Variants in SCYL1 observed in about 807,000 individuals in gnomAD.
SCYL1 encodes the protein N-terminal kinase-like protein.
In SCYL1, 85 loss-of-function variants were observed where a neutral mutation model predicts 94.8. The ratio of observed to expected loss-of-function variants is 0.90; its 90% CI spans 0.75 to 1.07. The LOEUF (loss-of-function observed/expected upper bound fraction) is 1.07, where lower values mean the gene tolerates loss of function less well. Among genes scored for constraint, SCYL1 ranks in the 50% least tolerant of loss-of-function variants. SCYL1 has a pLI of 0.00. For missense variants in SCYL1, 968 were observed against 1,083.3 expected, an observed-to-expected ratio of 0.89 and a Z score of 1.49; for synonymous variants, 459 against 435.5, an observed-to-expected ratio of 1.05 and a Z score of -0.67.
Position 65,525,133 on chromosome 11 carries a change from C to T in SCYL1, c.-21C>T. Reference sequence around the variant, plus strand: ...AGGACCCGGAGCTAAGGCGCCCGAACCCGCGGCGGCGGTGGGGACGATGTG... The same window carrying T: ...AGGACCCGGAGCTAAGGCGCCCGAATCCGCGGCGGCGGTGGGGACGATGTG... On this transcript the variant is annotated 5_prime_UTR_variant, in exon 1 of 18. Transcript: ENST00000270176. 7.6e-7 allele frequency: 1 copy of T among 1,310,278 alleles called. No individual in the cohort carries two copies. The highest frequency in any genetic ancestry group is 2.2e-5 in the South Asian group (1 of 46,358). The allele number at this position is 1,310,278 out of a possible 1,614,324, so 81.2% of individuals were successfully genotyped here.
At chr11:65,537,707 G>A in intron 14 of SCYL1, 102 bp from the exon 15 acceptor site, 2 of 1,016,736 alleles carry the variant, frequency 2.0e-6, no homozygotes, top group South Asian at 1.7e-5. Flanking sequence ...TGAGGAGGAA[G>A]GCAAAAGACA....
chr11:65,531,113 T>C (rs1855342632), intron 7 of SCYL1, among the ~76,000 whole-genome samples: 1 of 152,084 alleles, frequency 6.6e-6, no homozygotes, highest in South Asian at 2.1e-4. Context: ...TCCTGACTGC[T>C]TAGCACTCAG....
At chr11:65,530,153 C>T (rs1012598754) in intron 6 of SCYL1, among the ~76,000 whole-genome samples, 3 of 152,146 alleles carry the variant, frequency 2.0e-5, no homozygotes, top group Non-Finnish European at 1.5e-5. Flanking sequence ...CCAGGAACTT[C>T]CTGCCCAATC....
Position 65,525,094 on chromosome 11 carries a change from G to C in SCYL1, c.-60G>C, listed in dbSNP as rs1855004780. ...CCCGCCCCCTCTCCGCCCCGCCCCG[G>C]CTCGGGCGGCCGGAGGACCCGGAGC... On this transcript the variant is annotated 5_prime_UTR_variant, in exon 1 of 18. Coordinates refer to ENST00000270176, the MANE Select transcript of SCYL1 (RefSeq NM_020680.4). The C allele has an allele frequency of 8.5e-7, 1 of 1,175,052 alleles. No homozygotes were observed. The highest frequency in any genetic ancestry group is 1.1e-6 in the Non-Finnish European group (1 of 913,836). The allele number at this position is 1,175,052 out of a possible 1,614,324, so 72.8% of individuals were successfully genotyped here.
chr11:65,530,905 CCT>C, intron 7 of SCYL1, 118 bp downstream of exon 7: 1 of 1,132,174 alleles, frequency 8.8e-7, no homozygotes, highest in Non-Finnish European at 1.2e-6. Flanking sequence ...GCAGGAGCTT[CCT>C]GCCAGTGTCT....
intron 6 of SCYL1, among the ~76,000 whole-genome samples, chr11:65,527,649 T>C (rs1393906909): frequency 6.6e-6 from 1 of 150,956 alleles, no homozygotes; most frequent in Non-Finnish European, 1.5e-5. Flanking sequence ...GGAGAATCAC[T>C]TGAACCCAGG....
chr11:65,532,906 C>G (rs1039063526), intron 9 of SCYL1, 101 bp downstream of exon 9: 5 of 836,602 alleles, frequency 6.0e-6, no homozygotes, highest in African/African-American at 1.7e-5. Context: ...TGGGTCCAAG[C>G]AGACACTGTC....
At position 65,526,759 on chromosome 11, in the gene SCYL1, A is replaced by G; in HGVS notation, c.603-24A>G. On this transcript the variant is annotated intron_variant, in intron 4 of 17. Coordinates refer to ENST00000270176, the MANE Select transcript of SCYL1 (RefSeq NM_020680.4). The surrounding 1 kb of genome is among the most constrained non-coding windows in gnomAD (Gnocchi z 4.1). Reference sequence around the variant, plus strand: ...CTGTGCAGGTGGTTGGTGGGGCCCTAAGAGCTCTGGGTCACTGCCACAGGT... The same window carrying G: ...CTGTGCAGGTGGTTGGTGGGGCCCTGAGAGCTCTGGGTCACTGCCACAGGT... 1 of 1,603,660 alleles carries G rather than the reference A, an allele frequency of 6.2e-7. No homozygotes were observed. The highest frequency in any genetic ancestry group is 1.1e-5 in the South Asian group (1 of 90,680).
rs1444678495 is a variant in SCYL1, at chr11:65,530,757, T to C, written c.978T>C (p.Ala326=). ...QLLTAFEFGN[A]GAVVLTPLFK... Reference sequence around the variant, plus strand: ...TGACCGCCTTCGAGTTCGGCAATGCTGGGGCCGTTGTCCTCACGCCCCTCT... The same window carrying C: ...TGACCGCCTTCGAGTTCGGCAATGCCGGGGCCGTTGTCCTCACGCCCCTCT... Residue 326 remains alanine (A), a synonymous_variant, in exon 7 of 18, where the codon GCT becomes GCC. Transcript: ENST00000270176. 6.2e-7 allele frequency: 1 copy of C among 1,613,564 alleles called. No homozygotes were observed. The highest frequency in any genetic ancestry group is 8.5e-7 in the Non-Finnish European group (1 of 1,179,838).
intron 2 of SCYL1, 74 bp from the exon 3 acceptor site, chr11:65,525,846 TC>T: frequency 6.3e-7 from 1 of 1,584,580 alleles, no homozygotes. Flanking sequence ...TCCCCATCTC[TC>T]CCAACTTCAA....
Position 65,537,022 on chromosome 11 carries a change from C to A in SCYL1, c.1853C>A (p.Thr618Asn). Residue 618 changes from threonine (T) to asparagine (N), a missense_variant, in exon 14 of 18, where the codon ACC (threonine) becomes AAC (asparagine). Coordinates refer to ENST00000270176, the MANE Select transcript of SCYL1 (RefSeq NM_020680.4). ...CCAGCCCCCACCCCTGTTCCTGCCA[C>A]CCCTACAACCTCAGGCCACTGGGAG... is the stretch of plus-strand genomic sequence containing the variant. The part of the protein sequence containing the change: ...PAPAPTPVPA[T>N]PTTSGHWETQ... The A allele has an allele frequency of 6.2e-7, 1 of 1,613,310 alleles. No homozygotes were observed. Among genetic ancestry groups the A allele is most frequent in the East Asian group, 2.2e-5 (1 of 44,884 alleles).
chr11:65,536,732 C>T lies in SCYL1; in HGVS notation c.1798C>T (p.Gln600Ter). The T allele has an allele frequency of 6.2e-7, 1 of 1,606,054 alleles. No individual in the cohort carries two copies. Among genetic ancestry groups the T allele is most frequent in the Non-Finnish European group, 8.5e-7 (1 of 1,173,776 alleles). Reference sequence around the variant, plus strand: ...TGCCCCAACAGAAACCAACATTCCCCAAAGACCCACGCCTGAAGGTGAGTG... The same window carrying T: ...TGCCCCAACAGAAACCAACATTCCCTAAAGACCCACGCCTGAAGGTGAGTG... ...TTAPTETNIPQRPTPEGVPAP... is the reference protein window; with the variant it reads ...TTAPTETNIP The change falls in exon 13 of 18, where the codon CAA becomes TAA. Residue 600 changes from glutamine (Q) to a stop codon, truncating the protein, a stop_gained. Transcript: ENST00000270176. LOFTEE classifies it high-confidence loss of function.
At chr11:65,534,398 T>A (rs1350988672) in intron 9 of SCYL1, among the ~76,000 whole-genome samples, 1 of 151,868 alleles carries the variant, frequency 6.6e-6, no homozygotes, top group African/African-American at 2.4e-5. Flanking sequence ...GGTGACAGAG[T>A]GAGACTCTAT....
chr11:65,527,902 G>C (rs1418115238), intron 6 of SCYL1, among the ~76,000 whole-genome samples: 8 of 152,192 alleles, frequency 5.3e-5, no homozygotes, highest in African/African-American at 1.9e-4. Flanking sequence ...AAAATGTGTG[G>C]TATAGTGTTC....
At chr11:65,537,236 C>A in intron 14 of SCYL1, 108 bp downstream of exon 14, 1 of 1,220,232 alleles carries the variant, frequency 8.2e-7, no homozygotes, top group Non-Finnish European at 1.2e-6. Context: ...TCCTCATCAG[C>A]ACAGCATCCC....
chr11:65,525,327 A>G (rs2135024775), intron 1 of SCYL1, 63 bp downstream of exon 1: 1 of 1,256,000 alleles, frequency 8.0e-7, no homozygotes, highest in Non-Finnish European at 1.1e-6. Flanking sequence ...CGCGCCGCCG[A>G]CCCCGTCGCG....
chr11:65,526,274 A>T lies in SCYL1; in HGVS notation c.526A>T (p.Lys176Ter), dbSNP rs535912271. ...GGGCAACGGTGGGGGACCTCCCCGC[A>T]AGGGGATCCCCGAGCTTGAGCAGTA... ...AQGNGGGPPR[K>*]GIPELEQYDP... The change falls in exon 4 of 18, where the codon AAG (lysine) becomes TAG (stop). Residue 176 changes from lysine (K) to a stop codon, truncating the protein, a stop_gained. Transcript: ENST00000270176. LOFTEE classifies it high-confidence loss of function. The surrounding 1 kb of genome is among the most constrained non-coding windows in gnomAD (Gnocchi z 4.1). The T allele has an allele frequency of 6.2e-6, 10 of 1,612,818 alleles. No homozygotes were observed. The Admixed American group carries it at 1.3e-4, about 21-fold the overall frequency.
intron 1 of SCYL1, 57 bp downstream of exon 1, chr11:65,525,321 C>T (rs774455803): frequency 2.0e-5 from 25 of 1,265,468 alleles, no homozygotes; most frequent in Non-Finnish European, 2.6e-5. Context: ...CTATTCCGCG[C>T]CGCCGACCCC....
chr11:65,537,909 G>A, intron 15 of SCYL1, 29 bp downstream of exon 15: 1 of 1,581,374 alleles, frequency 6.3e-7, no homozygotes, highest in South Asian at 1.2e-5. Flanking sequence ...GGAGGTGTGT[G>A]TATGGGGCTC....
Sources: gnomAD v4.1 joint callset for allele counts (sites outside exome capture counted in the v4.1 genomes callset) on GRCh38, gnomAD v4.1.1 for gene constraint, Gnocchi (gnomAD v3.1) non-coding constraint, MANE v1.5 for transcripts, NCBI Gene and HGNC (gene_info 2026-07-23, HGNC 2026-07-21) for gene names.